CNIH3: variants seen among roughly 807,000 people sequenced by gnomAD.
CNIH3 encodes the protein cornichon family AMPA receptor auxiliary protein 3, also known as protein cornichon homolog 3.
In CNIH3, 14 loss-of-function variants were observed where a neutral mutation model predicts 24.1. The ratio of observed to expected loss-of-function variants is 0.58; its 90% CI spans 0.38 to 0.91. The LOEUF is 0.91. Among genes scored for constraint, CNIH3 ranks in the 40% least tolerant of loss-of-function variants. The pLI is 0.00. For missense variants in CNIH3, 178 were observed against 196.8 expected (o/e 0.90, Z 0.57); for synonymous variants, 68 against 73.8 (o/e 0.92, Z 0.40).
At chr1:224,464,963 T>C (rs1283064421) in intron 1 of CNIH3, among the ~76,000 whole-genome samples, 2 of 151,978 alleles carry the variant, frequency 1.3e-5, no homozygotes, top group African/African-American at 4.8e-5. Flanking sequence ...GCCCAGTTAA[T>C]TTTTTGATTT....
chr1:224,538,635 C>G (rs537246768), downstream of CNIH3, among the ~76,000 whole-genome samples: 1 of 151,168 alleles, frequency 6.6e-6, no homozygotes, highest in East Asian at 1.9e-4. Context: ...TTCTCCCTGC[C>G]TCCTCCTCCT....
At chr1:224,454,344 G>T (rs905926836) in intron 1 of CNIH3, 1 of 978,622 alleles carries the variant, frequency 1.0e-6, no homozygotes, top group East Asian at 1.1e-4. Flanking sequence ...AGGAGGCTTG[G>T]TAAGGTTAAA....
intron 1 of CNIH3, among the ~76,000 whole-genome samples, chr1:224,646,605 T>A (rs1684618752): frequency 6.6e-6 from 1 of 152,026 alleles, no homozygotes; most frequent in African/African-American, 2.4e-5. Flanking sequence ...AGGGTCTTGC[T>A]CTGTTACCCA....
intron 2 of CNIH3, among the ~76,000 whole-genome samples, chr1:224,536,026 T>C (rs1679268338): frequency 6.6e-6 from 1 of 152,154 alleles, no homozygotes; most frequent in South Asian, 2.1e-4. Flanking sequence ...CCTGTGGATG[T>C]AGTTGTAAAA....
chr1:224,434,701 G>C, exon 1 of CNIH3: 1 of 950,930 alleles, frequency 1.1e-6, no homozygotes, highest in Non-Finnish European at 1.3e-6. Context: ...GGCGGCGGCG[G>C]CGGCGGGCGG....
chr1:224,732,635 G>A (rs763171584), intron 4 of CNIH3, among the ~76,000 whole-genome samples: 2 of 152,184 alleles, frequency 1.3e-5, no homozygotes, highest in South Asian at 2.1e-4. Context: ...CTGCCCCAGG[G>A]GCTGGCTCTT....
At chr1:224,723,594 C>G (rs1309243537) in intron 3 of CNIH3, among the ~76,000 whole-genome samples, 1 of 152,246 alleles carries the variant, frequency 6.6e-6, no homozygotes. Flanking sequence ...CTGGGCCTCC[C>G]CAGGCCAGGA....
At chr1:224,718,593 G>T (rs1434337420) in intron 3 of CNIH3, among the ~76,000 whole-genome samples, 9 of 152,162 alleles carry the variant, frequency 5.9e-5, no homozygotes, top group Non-Finnish European at 1.3e-4. Context: ...GTGAAAAATA[G>T]CTTAGGGTGG....
intron 1 of CNIH3, among the ~76,000 whole-genome samples, chr1:224,640,041 T>G (rs528372999): frequency 2.0e-5 from 3 of 152,362 alleles, no homozygotes; most frequent in South Asian, 4.1e-4. Context: ...AGGCCAGGTC[T>G]TGAGCGTGAG....
At chr1:224,695,209 G>T (rs1287400262) in intron 3 of CNIH3, among the ~76,000 whole-genome samples, 2 of 152,208 alleles carry the variant, frequency 1.3e-5, no homozygotes, top group African/African-American at 4.8e-5. Flanking sequence ...CTGAGCAAGA[G>T]TGGATTTGGC....
chr1:224,525,888 G>A (rs1678825534), intron 2 of CNIH3, among the ~76,000 whole-genome samples: 1 of 152,100 alleles, frequency 6.6e-6, no homozygotes, highest in Non-Finnish European at 1.5e-5. Context: ...GATGCTCTAA[G>A]GAGGCACTGG....
intron 3 of CNIH3, among the ~76,000 whole-genome samples, chr1:224,721,254 C>T (rs775790002): frequency 3.9e-5 from 6 of 152,114 alleles, no homozygotes; most frequent in East Asian, 3.8e-4. Context: ...TCTCCAGCAC[C>T]GGAATAAGGC....
intron 1 of CNIH3, among the ~76,000 whole-genome samples, chr1:224,660,155 A>G (rs1685278682): frequency 6.6e-6 from 1 of 152,214 alleles, no homozygotes; most frequent in Non-Finnish European, 1.5e-5. Context: ...GAGACTAGGC[A>G]ATTTACAAAA....
At chr1:224,538,782 C>T (rs1002866985), downstream of CNIH3, among the ~76,000 whole-genome samples, 3 of 151,600 alleles carry the variant, frequency 2.0e-5, no homozygotes, top group Admixed American at 6.6e-5. Context: ...ACCTCAGCCT[C>T]CTGAGTAGCT....
chr1:224,630,830 T>C (rs1472999640), intron 1 of CNIH3, among the ~76,000 whole-genome samples: 1 of 152,122 alleles, frequency 6.6e-6, no homozygotes, highest in Non-Finnish European at 1.5e-5. Context: ...GGTGGGTGGT[T>C]TCTGCCCTTG....
At chr1:224,503,303 A>G (rs991230293) in intron 1 of CNIH3, among the ~76,000 whole-genome samples, 1 of 152,102 alleles carries the variant, frequency 6.6e-6, no homozygotes, top group African/African-American at 2.4e-5. Context: ...AGTGTTCCAC[A>G]TCTCCTTCCC....
intron 4 of CNIH3, among the ~76,000 whole-genome samples, chr1:224,733,049 C>T (rs139190937): frequency 2.6e-5 from 4 of 152,218 alleles, no homozygotes; most frequent in Non-Finnish European, 4.4e-5. Context: ...AGGTCCAGAC[C>T]AGTGACATTT....
At chr1:224,635,878 AT>A (rs893778956) in intron 1 of CNIH3, among the ~76,000 whole-genome samples, 11 of 150,126 alleles carry the variant, frequency 7.3e-5, no homozygotes, top group African/African-American at 2.7e-4. Flanking sequence ...CACCTGGCTC[AT>A]TTTTTTTTCT....
At chr1:224,496,120 C>T (rs1370508107) in intron 1 of CNIH3, among the ~76,000 whole-genome samples, 3 of 152,208 alleles carry the variant, frequency 2.0e-5, no homozygotes, top group Admixed American at 1.3e-4. Flanking sequence ...AGCCTCTCTG[C>T]CAGCCCAGCA....
Sources: allele counts gnomAD v4.1 joint callset (sites outside exome capture counted in the v4.1 genomes callset), GRCh38; gene constraint gnomAD v4.1.1; transcripts MANE v1.5; gene names NCBI Gene and HGNC (gene_info 2026-07-23, HGNC 2026-07-21).